Variants in PTPRT observed in about 807,000 individuals in gnomAD.
PTPRT encodes the protein protein tyrosine phosphatase receptor type T.
Under a neutral mutation model 176.8 loss-of-function variants are expected in PTPRT, and 56 were observed. The observed-to-expected ratio is 0.32, with a 90% CI of 0.26 to 0.40. The LOEUF is 0.40. Among genes scored for constraint, PTPRT ranks in the 10% least tolerant of loss-of-function variants. The pLI is 1.00. For missense variants in PTPRT, 1,540 were observed against 1,908.2 expected, an observed-to-expected ratio of 0.81 and a Z score of 3.60; for synonymous variants, 783 against 739.0, an observed-to-expected ratio of 1.06 and a Z score of -0.96.
chr20:42,186,488 G>T (rs1481414337), intron 16 of PTPRT, among the ~76,000 whole-genome samples: 1 of 151,722 alleles, frequency 6.6e-6, no homozygotes, highest in African/African-American at 2.4e-5. Flanking sequence ...TGTGGTAGAA[G>T]GAGTGTGACA....
rs58111170 is a variant in PTPRT at position 42,096,756 on chromosome 20, AT to A, written c.3846+1664del. ...ATGGCACCATGCCTGGCTAATTAAAATTTTTTTTTTTTTTTTTTTTTTTTGT... is the reference window on the plus strand; with the variant it reads ...ATGGCACCATGCCTGGCTAATTAAAATTTTTTTTTTTTTTTTTTTTTTTGT... On this transcript the variant is annotated intron_variant, in intron 27 of 30. Transcript: ENST00000373187. Among the ~76,000 whole-genome samples the A allele has an allele frequency of 7.8e-3, 928 of 118,740 alleles. 1 individual carries two copies. The highest frequency in any genetic ancestry group is 0.022 in the African/African-American group (689 of 31,860). The allele number at this position is 118,740 out of a possible 152,430, so 77.9% of individuals were successfully genotyped here.
At chr20:42,771,121 A>G (rs1311303933) in intron 5 of PTPRT, among the ~76,000 whole-genome samples, 1 of 152,160 alleles carries the variant, frequency 6.6e-6, no homozygotes, top group Non-Finnish European at 1.5e-5. Flanking sequence ...TAGAGCAGAA[A>G]ATTCCGCAGG....
At chr20:42,595,542 C>A (rs376716255) in intron 7 of PTPRT, among the ~76,000 whole-genome samples, 2 of 152,160 alleles carry the variant, frequency 1.3e-5, no homozygotes, top group South Asian at 4.1e-4. Flanking sequence ...CACACCTGAG[C>A]TAAGTGGTGC....
Position 42,819,168 on chromosome 20 carries a change from A to G in PTPRT, c.215-27702T>C, listed in dbSNP as rs369209941. Among the ~76,000 whole-genome samples, 25 of 152,344 alleles carry G rather than the reference A, an allele frequency of 1.6e-4. No homozygotes were observed. The East Asian group carries it at 2.9e-3, about 18-fold the overall frequency. On this transcript the variant is annotated intron_variant, in intron 2 of 30. Transcript: ENST00000373187. ...GACAGAGAGAAAGGCCAGGTCACCT[A>G]CAAAGGGAAGCCCATCAGACTAACA...
At chr20:42,808,190 G>T (rs1247841220) in intron 2 of PTPRT, among the ~76,000 whole-genome samples, 3 of 152,176 alleles carry the variant, frequency 2.0e-5, no homozygotes, top group Non-Finnish European at 4.4e-5. Context: ...ACTTCCTCCC[G>T]CAGCCTGCTG....
chr20:42,083,540 C>T (rs1470887630), intron 29 of PTPRT, among the ~76,000 whole-genome samples: 1 of 152,132 alleles, frequency 6.6e-6, no homozygotes, highest in Non-Finnish European at 1.5e-5. Flanking sequence ...TCTGTGTGTG[C>T]ATCTCTATGT....
intron 1 of PTPRT, among the ~76,000 whole-genome samples, chr20:43,161,764 CA>C (rs138110218): frequency 7.9e-5 from 12 of 152,002 alleles, no homozygotes; most frequent in South Asian, 4.2e-4. Context: ...CTCTGATGGG[CA>C]AAAAAACCCT....
At chr20:43,037,410 A>G (rs1340653600) in intron 1 of PTPRT, among the ~76,000 whole-genome samples, 1 of 152,218 alleles carries the variant, frequency 6.6e-6, no homozygotes, top group Admixed American at 6.5e-5. Context: ...GTGGCTTCGC[A>G]GGCTACTTCT....
intron 6 of PTPRT, among the ~76,000 whole-genome samples, chr20:42,728,796 A>C (rs2076417764): frequency 6.6e-6 from 1 of 152,192 alleles, no homozygotes; most frequent in African/African-American, 2.4e-5. Context: ...TTACACACCA[A>C]GTCTTTCTGG....
At chr20:43,005,963 A>G (rs1394263282) in intron 1 of PTPRT, among the ~76,000 whole-genome samples, 1 of 152,228 alleles carries the variant, frequency 6.6e-6, no homozygotes, top group Non-Finnish European at 1.5e-5. Flanking sequence ...TATAGGATGG[A>G]ATAGTCAATT....
chr20:42,601,624 G>A (rs764369156), intron 7 of PTPRT, among the ~76,000 whole-genome samples: 1 of 152,082 alleles, frequency 6.6e-6, no homozygotes, highest in African/African-American at 2.4e-5. Context: ...GTTAGGGATG[G>A]TTTACTCTAC....
At chr20:42,801,176 G>A (rs568925122) in intron 2 of PTPRT, among the ~76,000 whole-genome samples, 1 of 152,300 alleles carries the variant, frequency 6.6e-6, no homozygotes, top group African/African-American at 2.4e-5. Context: ...CGTGTGTGCT[G>A]CCCAGATGCC....
Position 42,080,787 on chromosome 20 carries a change from C to G in PTPRT, c.*92G>C. ...CTTGGAGTCAGGCAGGGTGCCACCT[C>G]AGAGCTCCTGAGCCCAGTTACTGCC... is the stretch of plus-strand genomic sequence containing the variant. On this transcript the variant is annotated 3_prime_UTR_variant, in exon 31 of 31. Transcript: ENST00000373187. 7.5e-7 allele frequency: 1 copy of G among 1,337,900 alleles called. No individual in the cohort carries two copies. Among genetic ancestry groups the G allele is most frequent in the Non-Finnish European group, 1.1e-6 (1 of 939,366 alleles). 82.9% of individuals were successfully genotyped at this position (1,337,900 alleles called of 1,614,324 possible).
chr20:42,824,333 A>T (rs945687203), intron 2 of PTPRT, among the ~76,000 whole-genome samples: 1 of 152,216 alleles, frequency 6.6e-6, no homozygotes. Context: ...TTTTTTTCAT[A>T]AAGTGTAACT....
intron 18 of PTPRT, among the ~76,000 whole-genome samples, chr20:42,138,832 G>T (rs974764438): frequency 3.9e-5 from 6 of 152,074 alleles, no homozygotes; most frequent in African/African-American, 1.4e-4. Context: ...TTTCGCCAAG[G>T]TCTCTTGTTG....
chr20:42,613,171 G>A (rs758215083), intron 7 of PTPRT, among the ~76,000 whole-genome samples: 11 of 152,120 alleles, frequency 7.2e-5, no homozygotes, highest in African/African-American at 9.7e-5. Flanking sequence ...GGCAGACTGC[G>A]GCCAGTTGTA....
chr20:42,794,632 C>T (rs2077426701), intron 2 of PTPRT, among the ~76,000 whole-genome samples: 1 of 152,208 alleles, frequency 6.6e-6, no homozygotes, highest in African/African-American at 2.4e-5. Context: ...CTATTAGGAG[C>T]ACTCATCTTG....
chr20:42,143,556 C>CAA (rs36027241), intron 17 of PTPRT, among the ~76,000 whole-genome samples: 6,390 of 97,302 alleles, frequency 0.066, 245 homozygotes, highest in East Asian at 0.21. Flanking sequence ...GACTCTGTTT[C>CAA]AAAAAAAAAA....
At chr20:42,730,326 T>C (rs150185365) in intron 6 of PTPRT, among the ~76,000 whole-genome samples, 6 of 152,174 alleles carry the variant, frequency 3.9e-5, no homozygotes, top group East Asian at 3.9e-4. Context: ...AGGAAGTGAA[T>C]TGAATAGCTG....
Sources: allele counts gnomAD v4.1 joint callset (sites outside exome capture counted in the v4.1 genomes callset), GRCh38; gene constraint gnomAD v4.1.1; transcripts MANE v1.5; gene names NCBI Gene and HGNC (gene_info 2026-07-23, HGNC 2026-07-21).